The following ARHGAP22 variants were observed in gnomAD, a reference collection of about 807,000 sequenced individuals.
The protein encoded by ARHGAP22 is rho GTPase-activating protein 22.
In ARHGAP22, 48 loss-of-function variants were observed where a neutral mutation model predicts 59.1. That is an observed-to-expected ratio of 0.81 (90% CI 0.64 to 1.03). The LOEUF (loss-of-function observed/expected upper bound fraction) is 1.03. ARHGAP22 is among the 50% of genes least tolerant of loss of function. ARHGAP22 has a pLI of 0.00. For missense variants in ARHGAP22, 1,015 were observed against 958.7 expected (o/e 1.06, Z -0.78); for synonymous variants, 445 against 416.4 (o/e 1.07, Z -0.84).
intron 3 of ARHGAP22, among the ~76,000 whole-genome samples, chr10:48,534,162 G>A (rs999744231): frequency 6.6e-6 from 1 of 152,254 alleles, no homozygotes; most frequent in African/African-American, 2.4e-5. Context: ...AGCTGCCACG[G>A]ATGCTGTTCA....
At chr10:48,604,567 T>G (rs1444948300) in intron 1 of ARHGAP22, among the ~76,000 whole-genome samples, 196 bp downstream of exon 1, 2 of 152,182 alleles carry the variant, frequency 1.3e-5, no homozygotes, top group Non-Finnish European at 2.9e-5. Flanking sequence ...TTTTGCAACT[T>G]CAGGTCGTGT....
chr10:48,470,356 G>A (rs1385122157), intron 4 of ARHGAP22, among the ~76,000 whole-genome samples: 3 of 152,224 alleles, frequency 2.0e-5, no homozygotes, highest in African/African-American at 4.8e-5. Flanking sequence ...GCAGCTGCTC[G>A]GGCCTTTGTT....
intron 2 of ARHGAP22, among the ~76,000 whole-genome samples, chr10:48,568,412 C>A (rs956254248): frequency 1.3e-5 from 2 of 152,164 alleles, no homozygotes; most frequent in African/African-American, 4.8e-5. Flanking sequence ...GGCCTCTTTG[C>A]CCCCTGAAGT....
intron 3 of ARHGAP22, among the ~76,000 whole-genome samples, chr10:48,539,029 C>A (rs185782206): frequency 1.3e-5 from 2 of 152,190 alleles, no homozygotes; most frequent in Non-Finnish European, 2.9e-5. Flanking sequence ...AGATGAAAAA[C>A]TCAAAGGATA....
chr10:48,598,579 T>G (rs2060204066), intron 1 of ARHGAP22, among the ~76,000 whole-genome samples: 1 of 152,156 alleles, frequency 6.6e-6, no homozygotes, highest in South Asian at 2.1e-4. Context: ...GAAACACCAT[T>G]GCTCCCACTA....
chr10:48,632,701 C>G (rs999986632), intron 1 of ARHGAP22, among the ~76,000 whole-genome samples: 1 of 152,190 alleles, frequency 6.6e-6, no homozygotes, highest in African/African-American at 2.4e-5. Flanking sequence ...CTTCACAAGA[C>G]CAGCCTCACT....
chr10:48,643,764 A>AAATAT (rs887902062), intron 1 of ARHGAP22, among the ~76,000 whole-genome samples: 64 of 144,272 alleles, frequency 4.4e-4, no homozygotes, highest in African/African-American at 1.7e-3. Flanking sequence ...AAAAAAAAAA[A>AAATAT]ATATATATAT....
intron 2 of ARHGAP22, among the ~76,000 whole-genome samples, chr10:48,580,844 G>A (rs1443077415): frequency 6.9e-6 from 1 of 145,382 alleles, no homozygotes; most frequent in Non-Finnish European, 1.5e-5. Flanking sequence ...TTTGTATCCA[G>A]TTATGTGTAT....
At chr10:48,562,943 ATT>A (rs1199406688) in intron 2 of ARHGAP22, among the ~76,000 whole-genome samples, 8 of 152,322 alleles carry the variant, frequency 5.3e-5, no homozygotes, top group African/African-American at 1.7e-4. Context: ...GGAGGTCAGA[ATT>A]CTGCAATGGG....
At position 48,509,937 on chromosome 10, in the gene ARHGAP22, C is replaced by T. The variant is rs76559954; in HGVS notation, c.323-30173G>A. On this transcript the variant is annotated intron_variant, in intron 3 of 9. Transcript: ENST00000249601. ...CAAGAAGTACTAACAGAACGCTTTC[C>T]AGACAGTCCATTCTGGATACTTGGA... 4.7e-3 allele frequency among the ~76,000 whole-genome samples: 717 copies of T among 152,304 alleles called. 3 individuals carry two copies. Among genetic ancestry groups the T allele is most frequent in the African/African-American group, 0.016 (676 of 41,580 alleles).
At chr10:48,656,046 T>A (rs1341492100), upstream of ARHGAP22, 4 of 151,532 alleles carry the variant, frequency 2.6e-5, no homozygotes, top group Admixed American at 2.6e-4. Flanking sequence ...GCCAGCCGTC[T>A]CCTCCCCTGC....
At chr10:48,435,317 A>G in the ARHGAP22 span, 2 of 283,098 alleles carry the variant, frequency 7.1e-6, no homozygotes, top group East Asian at 1.3e-4. Context: ...TATTTGCTTT[A>G]TCTTATGCTG....
intron 1 of ARHGAP22, among the ~76,000 whole-genome samples, chr10:48,629,262 CTAAG>C (rs752601207): frequency 4.6e-5 from 7 of 152,196 alleles, no homozygotes; most frequent in Non-Finnish European, 8.8e-5. Context: ...ACCCTCAGAG[CTAAG>C]TATGGAGTCT....
intron 8 of ARHGAP22, chr10:48,451,601 A>G (rs72796303): frequency 0.099 from 69,344 of 699,468 alleles, 3,666 homozygotes; most frequent in South Asian, 0.11. Context: ...GAATAGAGCC[A>G]TCTTTCCTGT....
At chr10:48,565,315 C>A (rs541274107) in intron 2 of ARHGAP22, among the ~76,000 whole-genome samples, 8 of 152,248 alleles carry the variant, frequency 5.3e-5, no homozygotes, top group Admixed American at 1.3e-4. Flanking sequence ...TGGGCTGTAG[C>A]AGGTACCCAG....
At chr10:48,490,464 G>A (rs945844894) in intron 3 of ARHGAP22, among the ~76,000 whole-genome samples, 2 of 152,052 alleles carry the variant, frequency 1.3e-5, no homozygotes, top group African/African-American at 4.8e-5. Flanking sequence ...GAGCCCAAAT[G>A]CCCCAGTTAA....
At chr10:48,540,565 C>A (rs1379584391) in intron 3 of ARHGAP22, among the ~76,000 whole-genome samples, 2 of 152,108 alleles carry the variant, frequency 1.3e-5, no homozygotes, top group African/African-American at 4.8e-5. Context: ...AGGAAGCAGG[C>A]CCAAATTTAC....
chr10:48,584,742 C>T (rs2059320548), intron 1 of ARHGAP22, among the ~76,000 whole-genome samples: 1 of 152,184 alleles, frequency 6.6e-6, no homozygotes, highest in South Asian at 2.1e-4. Context: ...CGCCTGTAAT[C>T]CCAGCACTTT....
intron 3 of ARHGAP22, among the ~76,000 whole-genome samples, chr10:48,490,742 G>A (rs10776606): frequency 0.16 from 24,218 of 152,082 alleles, 2,797 homozygotes; most frequent in East Asian, 0.63. Context: ...GTTCTCAGGC[G>A]TTAAATGCTG....
Sources: allele counts gnomAD v4.1 joint callset (sites outside exome capture counted in the v4.1 genomes callset), GRCh38; gene constraint gnomAD v4.1.1; transcripts MANE v1.5; gene names NCBI Gene and HGNC (gene_info 2026-07-23, HGNC 2026-07-21).